The following TMEM120A variants were observed in gnomAD, a reference collection of about 807,000 sequenced individuals.
TMEM120A encodes transmembrane protein 120A.
In TMEM120A, 45 loss-of-function variants were observed where a neutral mutation model predicts 54.3. The ratio of observed to expected loss-of-function variants is 0.83; its 90% CI spans 0.65 to 1.06. TMEM120A has a LOEUF of 1.06. Among genes scored for constraint, TMEM120A ranks in the 50% least tolerant of loss-of-function variants. The pLI is 0.00. For missense variants in TMEM120A, 424 were observed against 441.7 expected, an observed-to-expected ratio of 0.96 and a Z score of 0.36; for synonymous variants, 204 against 178.5, an observed-to-expected ratio of 1.14 and a Z score of -1.14.
chr7:75,989,287 C>A, intron 3 of TMEM120A, 63 bp from the exon 4 acceptor site: 1 of 1,115,642 alleles, frequency 9.0e-7, no homozygotes, highest in Non-Finnish European at 1.3e-6. Flanking sequence ...CGGTACTCAG[C>A]CAAGCCTGCC....
chr7:75,990,200 C>T (rs1344064436), intron 3 of TMEM120A, among the ~76,000 whole-genome samples: 2 of 152,178 alleles, frequency 1.3e-5, no homozygotes, highest in Non-Finnish European at 2.9e-5. Context: ...GTTCCCAGCA[C>T]TCGCCTCTCC....
chr7:75,990,620 TCA>T (rs1282994863), intron 3 of TMEM120A, among the ~76,000 whole-genome samples: 8 of 152,042 alleles, frequency 5.3e-5, no homozygotes, highest in African/African-American at 1.9e-4. Flanking sequence ...GTGCGGTGGC[TCA>T]CACCTGTAAT....
intron 7 of TMEM120A, 31 bp from the exon 8 acceptor site, chr7:75,988,015 A>T (rs781895810): frequency 5.6e-6 from 9 of 1,594,638 alleles, no homozygotes; most frequent in Non-Finnish European, 7.7e-6. Flanking sequence ...CAGTGTGGGG[A>T]CCCTTGGGGA....
chr7:75,987,686 A>G (rs782724838), intron 9 of TMEM120A, 32 bp downstream of exon 9: 1 of 1,609,624 alleles, frequency 6.2e-7, no homozygotes, highest in East Asian at 2.2e-5. Context: ...GGAAAGGGGA[A>G]TGTCCAGATG....
At chr7:75,989,777 C>T (rs574479054) in intron 3 of TMEM120A, among the ~76,000 whole-genome samples, 2 of 152,098 alleles carry the variant, frequency 1.3e-5, no homozygotes, top group South Asian at 4.1e-4. Flanking sequence ...TGTCCCTCAC[C>T]GAGGCCCCCA....
Position 75,987,907 on chromosome 7 carries a change from C to T in TMEM120A, c.691+16G>A. 2 of 1,601,834 alleles carry T rather than the reference C, an allele frequency of 1.2e-6. No homozygotes were observed. The highest frequency in any genetic ancestry group is 2.3e-5 in the East Asian group (1 of 44,388). The stretch of plus-strand genomic sequence containing the variant: ...GGGTGCCTCCAGGGCTCAGCACAGA[C>T]ATCTGGGACACTCACTCTGGTACAT... On this transcript the variant is annotated intron_variant, in intron 8 of 11. Coordinates refer to ENST00000493111, the MANE Select transcript of TMEM120A (RefSeq NM_031925.3).
In TMEM120A at chr7:75,994,592, T is replaced by A. The variant is rs782672692; in HGVS notation, c.-22A>T. The stretch of plus-strand genomic sequence containing the variant: ...GCATGGCTGCAGCGCCAGTAGCCAG[T>A]AGTGGAGGACGGCGCAGCAACCCCG... On this transcript the variant is annotated 5_prime_UTR_variant, in exon 1 of 12. Transcript: ENST00000493111. The A allele has an allele frequency of 6.6e-7, 1 of 1,513,314 alleles. No individual in the cohort carries two copies. Among genetic ancestry groups the A allele is most frequent in the Admixed American group, 2.1e-5 (1 of 46,778 alleles). 93.7% of individuals were successfully genotyped at this position (1,513,314 alleles called of 1,614,324 possible).
chr7:75,991,162 G>A (rs987435415), intron 3 of TMEM120A, among the ~76,000 whole-genome samples: 8 of 152,036 alleles, frequency 5.3e-5, no homozygotes, highest in Non-Finnish European at 1.5e-5. Flanking sequence ...TGCTCAGCAG[G>A]GGGTTTTGCA....
intron 1 of TMEM120A, among the ~76,000 whole-genome samples, chr7:75,994,056 C>T (rs755401490): frequency 6.7e-6 from 1 of 150,296 alleles, no homozygotes; most frequent in Non-Finnish European, 1.5e-5. Context: ...CGCGCGGTAT[C>T]CCTCTGCCTG....
intron 2 of TMEM120A, 39 bp downstream of exon 2, chr7:75,992,400 C>T (rs368895966): frequency 3.2e-6 from 5 of 1,585,084 alleles, no homozygotes; most frequent in Middle Eastern, 1.9e-4. Context: ...CCTCCCACCC[C>T]ACACTCTGCC....
rs116526655 is a variant in TMEM120A at position 75,987,352 on chromosome 7, C to T, written c.918+8G>A. 2,306 of 1,560,428 alleles carry T rather than the reference C, an allele frequency of 1.5e-3. 28 individuals are homozygous for T. In the African/African-American group the frequency reaches 0.026, roughly 18 times the overall value. On this transcript the variant is annotated splice_region_variant and intron_variant, in intron 11 of 11. Transcript: ENST00000493111. Reference sequence around the variant, plus strand: ...CCCCATCCATCCTGTCCAGGGACCCCGGCTCACCTGCCACTCCTTGCACTG... The same window carrying T: ...CCCCATCCATCCTGTCCAGGGACCCTGGCTCACCTGCCACTCCTTGCACTG...
In TMEM120A at chr7:75,987,539, T is replaced by C; in HGVS notation, c.848A>G (p.His283Arg). 3 of 1,591,754 alleles carry C rather than the reference T, an allele frequency of 1.9e-6. No homozygotes were observed. Among genetic ancestry groups the C allele is most frequent in the South Asian group, 1.1e-5 (1 of 88,248 alleles). The part of the protein sequence containing the change: ...TFLLPFLFFG[H>R]FWQLFNALTL... Reference sequence around the variant, plus strand: ...CAGGGACACAGAGGCACGACTTACGTGTCCAAAGAAAAGAAAAGGCAGCAG... The same window carrying C: ...CAGGGACACAGAGGCACGACTTACGCGTCCAAAGAAAAGAAAAGGCAGCAG... Residue 283 changes from histidine to arginine, a missense_variant and splice_region_variant, in exon 10 of 12, where the codon CAC becomes CGC. By Grantham distance (29) the His-to-Arg change is conservative. Coordinates refer to ENST00000493111, the MANE Select transcript of TMEM120A (RefSeq NM_031925.3).
chr7:75,987,179 T>C lies in TMEM120A; in HGVS notation c.1025A>G (p.Lys342Arg). The part of the protein sequence containing the change: ...KFHSQRHGSK[K>R]D ...GCAGGGGAAGGCCCAGCCTCAATCC[T>C]TCTTGCTCCCGTGCCGCTGACTGTG... The change falls in exon 12 of 12, where the codon AAG becomes AGG. Residue 342 changes from lysine (K) to arginine (R), a missense_variant. Physicochemically the swap from Lys to Arg is conservative, Grantham distance 26. Transcript: ENST00000493111. 1 of 1,599,560 alleles carries C rather than the reference T, an allele frequency of 6.3e-7. No individual in the cohort carries two copies. Among genetic ancestry groups the C allele is most frequent in the Non-Finnish European group, 8.5e-7 (1 of 1,174,044 alleles).
chr7:75,993,299 G>A (rs1302327315), intron 1 of TMEM120A, among the ~76,000 whole-genome samples: 2 of 152,180 alleles, frequency 1.3e-5, no homozygotes, highest in Admixed American at 6.5e-5. Flanking sequence ...AGGTTCTCAG[G>A]AATCCCTGAC....
chr7:75,989,319 C>T (rs979626195), intron 3 of TMEM120A, 95 bp from the exon 4 acceptor site: 2 of 828,070 alleles, frequency 2.4e-6, no homozygotes, highest in South Asian at 1.4e-5. Context: ...TGGGCCACCA[C>T]CCCACCCCCT....
chr7:75,989,651 C>T (rs919336923), intron 3 of TMEM120A, among the ~76,000 whole-genome samples: 6 of 151,964 alleles, frequency 3.9e-5, no homozygotes, highest in African/African-American at 7.3e-5. Context: ...GAGACCCACA[C>T]GCCTGGCCAC....
chr7:75,988,212 C>T lies in TMEM120A; in HGVS notation c.563+40G>A, dbSNP rs370443613. 1.7e-4 allele frequency: 269 copies of T among 1,611,816 alleles called. 1 individual carries two copies. Among genetic ancestry groups the T allele is most frequent in the East Asian group, 7.4e-4 (33 of 44,836 alleles). On this transcript the variant is annotated intron_variant, in intron 6 of 11. Coordinates refer to ENST00000493111, the MANE Select transcript of TMEM120A (RefSeq NM_031925.3). ...CTGCTTCCCGGAGGGTCCTGGCACC[C>T]CATTCCATGCTCCCCTCCCTCAGGG... is the stretch of plus-strand genomic sequence containing the variant.
intron 8 of TMEM120A, 21 bp downstream of exon 8, chr7:75,987,900 GCA>G (rs782094101): frequency 6.2e-7 from 1 of 1,600,468 alleles, no homozygotes; most frequent in Non-Finnish European, 8.5e-7. Flanking sequence ...CCAGGGCTCA[GCA>G]CAGACATCTG....
At chr7:75,994,366 T>C in intron 1 of TMEM120A, 124 bp downstream of exon 1, 1 of 818,198 alleles carries the variant, frequency 1.2e-6, no homozygotes, top group Non-Finnish European at 1.9e-6. Flanking sequence ...CCCTTGGCAG[T>C]GACGCCAGGG....
Sources: allele counts gnomAD v4.1 joint callset (sites outside exome capture counted in the v4.1 genomes callset), GRCh38; gene constraint gnomAD v4.1.1; transcripts MANE v1.5; gene names NCBI Gene and HGNC (gene_info 2026-07-23, HGNC 2026-07-21).